The following PREX1 variants were observed in gnomAD, a reference collection of about 807,000 sequenced individuals.
PREX1 encodes the protein phosphatidylinositol-3,4,5-trisphosphate dependent Rac exchange factor 1.
In PREX1, 41 loss-of-function variants were observed where a neutral mutation model predicts 198.3. That is an observed-to-expected ratio of 0.21 (90% confidence interval 0.16 to 0.27). PREX1 has a LOEUF of 0.27. PREX1 is among the 10% of genes least tolerant of loss of function. The pLI is 1.00. For missense variants in PREX1, 1,620 were observed against 2,200.7 expected, an observed-to-expected ratio of 0.74 and a Z score of 5.28; for synonymous variants, 843 against 887.2, an observed-to-expected ratio of 0.95 and a Z score of 0.89.
At position 48,666,367 on chromosome 20, in the gene PREX1, C is replaced by CA. The variant is rs2122965377; in HGVS notation, c.1666-13dup. The CA allele has an allele frequency of 1.9e-6, 3 of 1,551,092 alleles. No individual in the cohort carries two copies. Among genetic ancestry groups the CA allele is most frequent in the Non-Finnish European group, 2.6e-6 (3 of 1,147,934 alleles). On this transcript the variant is annotated splice_polypyrimidine_tract_variant and intron_variant, in intron 14 of 39. Coordinates refer to ENST00000371941, the MANE Select transcript of PREX1 (RefSeq NM_020820.4). This position sits in a 1 kb window ranked among gnomAD's most constrained non-coding sequence, Gnocchi z 4.3. ...GTCTGGCAGTCTCCCTGGAATGGAA[C>CA]AAGAAGGGGAGGGTGTTAGGTGGCA...
chr20:48,780,246 G>T (rs1207799781), intron 1 of PREX1, among the ~76,000 whole-genome samples: 2 of 152,150 alleles, frequency 1.3e-5, no homozygotes, highest in Non-Finnish European at 2.9e-5. Context: ...TTAAAGAACT[G>T]GTTGATTTCA....
rs868311064 is a variant in PREX1, at chr20:48,666,588, C to T, written c.1666-233G>A. Reference sequence around the variant, plus strand: ...TCGCCCAGGCTGGAGTGCAGTGGCACGATCTCGGCTTACTGCAAGCTCCAC... The same window carrying T: ...TCGCCCAGGCTGGAGTGCAGTGGCATGATCTCGGCTTACTGCAAGCTCCAC... On this transcript the variant is annotated intron_variant, in intron 14 of 39. Coordinates refer to ENST00000371941, the MANE Select transcript of PREX1 (RefSeq NM_020820.4). This position sits in a 1 kb window ranked among gnomAD's most constrained non-coding sequence, Gnocchi z 4.3. Among the ~76,000 whole-genome samples, 3 of 152,160 alleles carry T rather than the reference C, an allele frequency of 2.0e-5. No homozygotes were observed. Among genetic ancestry groups the T allele is most frequent in the South Asian group, 2.1e-4 (1 of 4,834 alleles).
At chr20:48,631,448 C>T (rs1416915393) in intron 35 of PREX1, among the ~76,000 whole-genome samples, 1 of 152,190 alleles carries the variant, frequency 6.6e-6, no homozygotes. Context: ...CGGAACAGTG[C>T]CCGGCCCGCA....
At chr20:48,733,541 A>G (rs958264697) in intron 4 of PREX1, among the ~76,000 whole-genome samples, 1 of 152,178 alleles carries the variant, frequency 6.6e-6, no homozygotes, top group Admixed American at 6.5e-5. Flanking sequence ...CCCTGTTACC[A>G]CTTCGGGAGA....
intron 1 of PREX1, among the ~76,000 whole-genome samples, chr20:48,804,671 G>A (rs749595289): frequency 6.6e-6 from 1 of 152,232 alleles, no homozygotes; most frequent in Non-Finnish European, 1.5e-5. Context: ...GGAAGCATGG[G>A]ACAAGGGAGG....
intron 7 of PREX1, among the ~76,000 whole-genome samples, chr20:48,697,439 G>A (rs188613192): frequency 4.0e-5 from 6 of 150,882 alleles, no homozygotes; most frequent in Admixed American, 6.6e-5. Context: ...GGAGTGCAGC[G>A]GTGCCACCTC....
chr20:48,742,068 T>C (rs989845330), intron 3 of PREX1, among the ~76,000 whole-genome samples: 2 of 152,118 alleles, frequency 1.3e-5, no homozygotes, highest in Non-Finnish European at 2.9e-5. Flanking sequence ...ATCTCCAAAA[T>C]ACTTCATCTC....
At chr20:48,646,547 T>C (rs542247629) in intron 25 of PREX1, among the ~76,000 whole-genome samples, 11 of 151,844 alleles carry the variant, frequency 7.2e-5, no homozygotes, top group Admixed American at 3.9e-4. Flanking sequence ...AAAAATTAAC[T>C]GGGTGTGGTG....
At chr20:48,795,353 C>G (rs917085526) in intron 1 of PREX1, among the ~76,000 whole-genome samples, 1 of 152,166 alleles carries the variant, frequency 6.6e-6, no homozygotes, top group South Asian at 2.1e-4. Flanking sequence ...AAGAAGGATG[C>G]TCCTGCAGCA....
chr20:48,650,268 T>C, intron 23 of PREX1, 62 bp from the exon 24 acceptor site: 2 of 1,474,948 alleles, frequency 1.4e-6, no homozygotes, highest in Non-Finnish European at 1.9e-6. Flanking sequence ...TATTGGCCCA[T>C]ACCCAGTACC....
chr20:48,790,363 TC>T (rs763769300), intron 1 of PREX1, among the ~76,000 whole-genome samples: 17 of 151,382 alleles, frequency 1.1e-4, no homozygotes, highest in Middle Eastern at 6.8e-3. Flanking sequence ...TCCACGAGCC[TC>T]CCCCGAAAGT....
In PREX1 at chr20:48,758,749, G is replaced by A. The variant is rs544250732; in HGVS notation, c.220-10869C>T. On this transcript the variant is annotated intron_variant, in intron 1 of 39. Coordinates refer to ENST00000371941, the MANE Select transcript of PREX1 (RefSeq NM_020820.4). Reference sequence around the variant, plus strand: ...CGTGTATCTGAGGATACAGCATCACGGGCAGGGTCAACAGCTGGGGCAAAG... The same window carrying A: ...CGTGTATCTGAGGATACAGCATCACAGGCAGGGTCAACAGCTGGGGCAAAG... Among the ~76,000 whole-genome samples the A allele has an allele frequency of 1.6e-4, 24 of 152,268 alleles. No homozygotes were observed. In the East Asian group the frequency reaches 2.5e-3, roughly 16 times the overall value.
At position 48,745,177 on chromosome 20, in the gene PREX1, C is replaced by A. The variant is rs191291521; in HGVS notation, c.292-30G>T. 4 of 1,596,198 alleles carry A rather than the reference C, an allele frequency of 2.5e-6. No homozygotes were observed. In the Admixed American group the frequency reaches 6.8e-5, roughly 27 times the overall value. On this transcript the variant is annotated intron_variant, in intron 2 of 39. Transcript: ENST00000371941. ...GAGGAAAAGAGAGGCCAGAGGACAG[C>A]GTTAAGGCTCAGAGGGAGAGCAAAG...
the PREX1 span, among the ~76,000 whole-genome samples, chr20:48,862,437 C>A: frequency 1.5e-3 from 228 of 152,036 alleles, 1 homozygote; most frequent in Non-Finnish European, 2.9e-3. Context: ...ATCCTCATAA[C>A]AATCCAAGGA....
At chr20:48,881,488 A>ATTT in the PREX1 span, among the ~76,000 whole-genome samples, 4 of 139,476 alleles carry the variant, frequency 2.9e-5, no homozygotes, top group African/African-American at 1.0e-4. Flanking sequence ...CATACAATTC[A>ATTT]TTTTTTTTTT....
intron 1 of PREX1, among the ~76,000 whole-genome samples, chr20:48,790,356 A>G (rs2090332555): frequency 6.6e-6 from 1 of 152,134 alleles, no homozygotes; most frequent in Non-Finnish European, 1.5e-5. Context: ...CTCAAGTTCC[A>G]CGAGCCTCCC....
chr20:48,781,415 G>A (rs2090289279), intron 1 of PREX1, among the ~76,000 whole-genome samples: 1 of 152,092 alleles, frequency 6.6e-6, no homozygotes, highest in Non-Finnish European at 1.5e-5. Context: ...GTTTCTTAAA[G>A]CCCTGTGCTG....
At chr20:48,866,250 T>C in the PREX1 span, among the ~76,000 whole-genome samples, 1 of 152,180 alleles carries the variant, frequency 6.6e-6, no homozygotes, top group Non-Finnish European at 1.5e-5. Flanking sequence ...TTTTAAAAAA[T>C]ATTATTTAAA....
In PREX1 at chr20:48,688,853, G is replaced by C. The variant is rs565477909; in HGVS notation, c.1187-49C>G. 16 of 1,601,078 alleles carry C rather than the reference G, an allele frequency of 1.0e-5. No homozygotes were observed. In the South Asian group the frequency reaches 1.7e-4, roughly 17 times the overall value. ...TGGAGAGAGCACCAGGCCCAGGGCA[G>C]GGGGGGTAGGGGGAGACAAGGGGCA... On this transcript the variant is annotated intron_variant, in intron 9 of 39. Coordinates refer to ENST00000371941, the MANE Select transcript of PREX1 (RefSeq NM_020820.4).
Sources: gnomAD v4.1 joint callset for allele counts (sites outside exome capture counted in the v4.1 genomes callset) on GRCh38, gnomAD v4.1.1 for gene constraint, Gnocchi (gnomAD v3.1) non-coding constraint, MANE v1.5 for transcripts, NCBI Gene and HGNC (gene_info 2026-07-23, HGNC 2026-07-21) for gene names.